FAM3B: variants seen among roughly 807,000 people sequenced by gnomAD.
FAM3B encodes protein FAM3B.
A neutral mutation model predicts 28.4 loss-of-function variants in FAM3B; 29 were observed. The observed-to-expected ratio is 1.02, with a 90% CI of 0.76 to 1.39. The LOEUF is 1.39. FAM3B is among the 40% of genes most tolerant of loss of function. The pLI, the probability that FAM3B is intolerant of heterozygous loss-of-function variation, is 0.00. For synonymous variants in FAM3B, 91 were observed against 103.0 expected, an observed-to-expected ratio of 0.88 and a Z score of 0.71; for missense variants, 266 against 293.9, an observed-to-expected ratio of 0.91 and a Z score of 0.69.
At chr21:41,347,522 A>C (rs570347812) in intron 6 of FAM3B, among the ~76,000 whole-genome samples, 38 of 152,236 alleles carry the variant, frequency 2.5e-4, no homozygotes, top group African/African-American at 8.9e-4. Context: ...TGGGAGACCG[A>C]GGCAGGCGGA....
chr21:41,307,919 C>T (rs1363919256), intron 1 of FAM3B, among the ~76,000 whole-genome samples: 1 of 152,122 alleles, frequency 6.6e-6, no homozygotes, highest in Non-Finnish European at 1.5e-5. Flanking sequence ...GAAGTAAGCA[C>T]ATGCTGTTGG....
At chr21:41,318,332 TC>T (rs1282755470) in intron 1 of FAM3B, among the ~76,000 whole-genome samples, 1 of 152,176 alleles carries the variant, frequency 6.6e-6, no homozygotes. Context: ...AGGCAGACGT[TC>T]CCAGGAGGGA....
chr21:41,329,555 G>A (rs2088886139), intron 2 of FAM3B, among the ~76,000 whole-genome samples: 1 of 151,586 alleles, frequency 6.6e-6, no homozygotes, highest in Admixed American at 6.6e-5. Context: ...AAGCCGGAAA[G>A]TGTTTTCTTT....
chr21:41,312,722 AGTGTGTGTGTGTGTGT>A, upstream of FAM3B, among the ~76,000 whole-genome samples: 1 of 148,324 alleles, frequency 6.7e-6, no homozygotes, highest in Admixed American at 6.7e-5. Flanking sequence ...TGTGTGTGAG[AGTGTGTGTGTGTGTGT>A]GTGTGTGTGT....
chr21:41,319,009 C>T (rs1299206369), intron 1 of FAM3B, among the ~76,000 whole-genome samples: 1 of 152,240 alleles, frequency 6.6e-6, no homozygotes, highest in Non-Finnish European at 1.5e-5. Context: ...CCTCCTGCCT[C>T]AGCCTCCTGA....
At chr21:41,321,217 C>A (rs2088800907) in intron 1 of FAM3B, among the ~76,000 whole-genome samples, 1 of 152,228 alleles carries the variant, frequency 6.6e-6, no homozygotes, top group South Asian at 2.1e-4. Context: ...GCACTCTGTT[C>A]ATCCAACAGA....
chr21:41,348,538 T>C, intron 6 of FAM3B, 54 bp from the exon 7 acceptor site: 1 of 1,609,924 alleles, frequency 6.2e-7, no homozygotes, highest in Middle Eastern at 1.7e-4. Flanking sequence ...GCAGAGTTCC[T>C]CTCCTCTCCA....
At chr21:41,346,072 A>G (rs961116517) in intron 5 of FAM3B, 1 of 229,952 alleles carries the variant, frequency 4.3e-6, no homozygotes, top group African/African-American at 2.4e-5. Context: ...AGCCACCAGC[A>G]TCCAGCCCTA....
chr21:41,337,199 A>T (rs1040337411), intron 2 of FAM3B, among the ~76,000 whole-genome samples: 51 of 152,254 alleles, frequency 3.3e-4, no homozygotes, highest in African/African-American at 1.2e-3. Context: ...CATAAAATAG[A>T]GCCAAGTCTC....
chr21:41,345,436 G>A (rs1480525366), intron 4 of FAM3B, among the ~76,000 whole-genome samples: 1 of 152,160 alleles, frequency 6.6e-6, no homozygotes, highest in Non-Finnish European at 1.5e-5. Flanking sequence ...GGAGGTATTA[G>A]TGTTCCATCA....
chr21:41,330,835 A>G (rs1247557092), intron 2 of FAM3B, among the ~76,000 whole-genome samples: 1 of 152,172 alleles, frequency 6.6e-6, no homozygotes, highest in Non-Finnish European at 1.5e-5. Flanking sequence ...TTCCTTATTC[A>G]TTCATTCATC....
rs545617327 is a variant in FAM3B at position 41,322,802 on chromosome 21, G to A, written c.20-121G>A. 1.3e-4 allele frequency: 189 copies of A among 1,475,482 alleles called. 1 individual carries two copies. The highest frequency in any genetic ancestry group is 1.4e-5 in the African/African-American group (1 of 72,176). The allele number at this position is 1,475,482 out of a possible 1,614,324, so 91.4% of individuals were successfully genotyped here. A position where few individuals can be genotyped will look rare whatever the true frequency, so the allele number is the denominator to read the frequency against. ...GGGAGCCTCCTCCCAGGAGCACAGTGCCTATAGCGCAGTCCCCTGACACTG... is the reference window on the plus strand; with the variant it reads ...GGGAGCCTCCTCCCAGGAGCACAGTACCTATAGCGCAGTCCCCTGACACTG... On this transcript the variant is annotated intron_variant, in intron 1 of 7. Coordinates refer to ENST00000357985, the MANE Select transcript of FAM3B (RefSeq NM_058186.4).
upstream of FAM3B, chr21:41,316,687 G>C (rs953208091): frequency 2.6e-5 from 11 of 427,324 alleles, no homozygotes; most frequent in African/African-American, 2.1e-4. Context: ...CCGCGCACCT[G>C]CCCCGCCCAC....
chr21:41,324,786 G>A (rs2088841208), intron 2 of FAM3B, among the ~76,000 whole-genome samples: 1 of 152,192 alleles, frequency 6.6e-6, no homozygotes, highest in African/African-American at 2.4e-5. Flanking sequence ...GAAAATTAAT[G>A]TGCAGCGTAT....
intron 3 of FAM3B, among the ~76,000 whole-genome samples, chr21:41,343,676 A>G (rs2089027700): frequency 6.6e-6 from 1 of 152,250 alleles, no homozygotes; most frequent in Non-Finnish European, 1.5e-5. Context: ...TGACAATGGG[A>G]ACATGCACAT....
rs2088855374 is a variant in FAM3B at position 41,326,415 on chromosome 21, C to A, written c.163+3349C>A. Among the ~76,000 whole-genome samples, 1 of 152,188 alleles carries A rather than the reference C, an allele frequency of 6.6e-6. No individual in the cohort carries two copies. The highest frequency in any genetic ancestry group is 1.5e-5 in the Non-Finnish European group (1 of 68,034). On this transcript the variant is annotated intron_variant, in intron 2 of 7. Transcript: ENST00000357985. The surrounding 1 kb of genome is among the most constrained non-coding windows in gnomAD (Gnocchi z 4.0). ...CAGGCCCTGTGAGGAAACACAAATG[C>A]CCATCTGTGTGTCACCCATAGTCAC...
chr21:41,324,205 C>T (rs1447103089), intron 2 of FAM3B, among the ~76,000 whole-genome samples: 3 of 152,190 alleles, frequency 2.0e-5, no homozygotes, highest in African/African-American at 7.2e-5. Context: ...AGAGACAGAC[C>T]TGTCAGAGAC....
rs144915348 is a variant in FAM3B at position 41,310,389 on chromosome 21, C to G, written n.99+6079C>G. Among the ~76,000 whole-genome samples the G allele has an allele frequency of 2.2e-3, 332 of 152,294 alleles. 1 individual carries two copies. The highest frequency in any genetic ancestry group is 7.6e-3 in the African/African-American group (317 of 41,558). ...GTGCTCCCATCTGCAGCTCAGTCCT[C>G]CCTAGGAACCCCGTGAGCTACTGCC... On this transcript the variant is annotated intron_variant and non_coding_transcript_variant, in intron 1 of 9. Transcript: ENST00000479810.
chr21:41,332,188 A>G (rs983647113), intron 2 of FAM3B, among the ~76,000 whole-genome samples: 1 of 152,184 alleles, frequency 6.6e-6, no homozygotes, highest in African/African-American at 2.4e-5. Flanking sequence ...ACCATGTGAC[A>G]TGCCTGCTCC....
Sources: gnomAD v4.1 joint callset for allele counts (sites outside exome capture counted in the v4.1 genomes callset) on GRCh38, gnomAD v4.1.1 for gene constraint, Gnocchi (gnomAD v3.1) non-coding constraint, MANE v1.5 for transcripts, NCBI Gene and HGNC (gene_info 2026-07-23, HGNC 2026-07-21) for gene names.